Variants in TM9SF4 observed in about 807,000 individuals in gnomAD.
TM9SF4 encodes dinucleotide oxidase disulfide thiol exchanger 3 superfamily member 4.
A neutral mutation model predicts 90.4 loss-of-function variants in TM9SF4; 26 were observed. The observed-to-expected ratio is 0.29, with a 90% CI of 0.21 to 0.40. The LOEUF (loss-of-function observed/expected upper bound fraction) is 0.40, where lower values mean the gene tolerates loss of function less well. TM9SF4 is among the 10% of genes least tolerant of loss of function. The probability of loss-of-function intolerance (pLI) is 1.00; values close to 1 mark genes in which losing one functional copy is unlikely to be tolerated. For missense variants in TM9SF4, 549 were observed against 834.8 expected (o/e 0.66, Z 4.22); for synonymous variants, 293 against 315.4 (o/e 0.93, Z 0.75).
chr20:32,159,880 CCCTG>C, intron 15 of TM9SF4, 108 bp from the exon 16 acceptor site: 1 of 1,463,316 alleles, frequency 6.8e-7, no homozygotes, highest in Non-Finnish European at 9.4e-7. Context: ...GGCCCACGGG[CCCTG>C]ATGGTGTCAT....
intron 1 of TM9SF4, among the ~76,000 whole-genome samples, chr20:32,121,209 C>CTT (rs200664375): frequency 2.7e-4 from 37 of 138,286 alleles, no homozygotes; most frequent in East Asian, 6.3e-4. Context: ...TTTTATTTTT[C>CTT]TTTTTTTTTT....
Position 32,145,075 on chromosome 20 carries a change from TC to T in TM9SF4, c.653-15del, listed in dbSNP as rs1430419678. ...CTGGCCACCACAGGAACAGACTGAG[TC>T]TGTGTCTCTCTCAGACCTCAAAGCA... On this transcript the variant is annotated splice_polypyrimidine_tract_variant and intron_variant, in intron 6 of 17. Transcript: ENST00000398022. The T allele has an allele frequency of 6.2e-7, 1 of 1,612,350 alleles. No homozygotes were observed. Among genetic ancestry groups the T allele is most frequent in the East Asian group, 2.2e-5 (1 of 44,878 alleles).
In TM9SF4 at chr20:32,165,780, G is replaced by T; in HGVS notation, c.*336G>T. 6 of 238,926 alleles carry T rather than the reference G, an allele frequency of 2.5e-5. No individual in the cohort carries two copies. Among genetic ancestry groups the T allele is most frequent in the East Asian group, 1.0e-4 (1 of 9,844 alleles). 14.8% of individuals were successfully genotyped at this position (238,926 alleles called of 1,614,324 possible). ...TTTTTCCTTCTTTGTTTTAACAAAT[G>T]GATCCAGGATGGATAAATCCACCGA... On this transcript the variant is annotated 3_prime_UTR_variant, in exon 18 of 18. Coordinates refer to ENST00000398022, the MANE Select transcript of TM9SF4 (RefSeq NM_014742.4).
At chr20:32,148,646 G>T (rs769223797) in intron 9 of TM9SF4, among the ~76,000 whole-genome samples, 2 of 149,040 alleles carry the variant, frequency 1.3e-5, no homozygotes, top group Admixed American at 6.7e-5. Flanking sequence ...CCAAGACTTG[G>T]TATAGAAATA....
chr20:32,115,029 C>T (rs2046199358), intron 1 of TM9SF4, among the ~76,000 whole-genome samples: 2 of 152,050 alleles, frequency 1.3e-5, no homozygotes, highest in South Asian at 4.1e-4. Context: ...TTTGTTTTTT[C>T]CATGATGATG....
At chr20:32,140,762 C>T (rs377048710) in intron 3 of TM9SF4, among the ~76,000 whole-genome samples, 21 of 152,278 alleles carry the variant, frequency 1.4e-4, no homozygotes, top group African/African-American at 5.1e-4. Flanking sequence ...TAATGCTGCC[C>T]TCACACAGGG....
intron 1 of TM9SF4, among the ~76,000 whole-genome samples, chr20:32,131,478 C>G: frequency 9.5e-6 from 1 of 105,808 alleles, no homozygotes; most frequent in South Asian, 2.7e-4. Context: ...ACAGAGTCAT[C>G]AGAGTGTGTG....
In TM9SF4 at chr20:32,150,666, C is replaced by A. The variant is rs2046828836; in HGVS notation, c.1132C>A (p.Leu378Ile). Reference protein sequence around the residue: ...GMLSPSSRGALMTTACFLFMF... With the variant: ...GMLSPSSRGAIMTTACFLFMF... ...GCTGTCGCCCTCCAGCCGGGGAGCT[C>A]TCATGACCACAGCCTGCTTCCTCTT... The change falls in exon 11 of 18, where the codon CTC becomes ATC. Residue 378 changes from leucine to isoleucine, a missense_variant. Leu to Ile is a conservative substitution (Grantham distance 5). Transcript: ENST00000398022. The A allele has an allele frequency of 1.2e-6, 2 of 1,614,236 alleles. No individual in the cohort carries two copies. Among genetic ancestry groups the A allele is most frequent in the East Asian group, 4.5e-5 (2 of 44,878 alleles).
At chr20:32,136,860 C>G (rs2122387579) in intron 3 of TM9SF4, 1 of 471,200 alleles carries the variant, frequency 2.1e-6, no homozygotes, top group Non-Finnish European at 4.4e-6. Context: ...AAGAGACTTT[C>G]TTTTCTTACA....
rs1201240107 is a variant in TM9SF4, at chr20:32,141,977, G to A, written c.528+82G>A. Reference sequence around the variant, plus strand: ...CACTTGGGGCCACAGAAAAGGTGGGGCTCGGCCACAGCAAGTTTCTCCAGG... The same window carrying A: ...CACTTGGGGCCACAGAAAAGGTGGGACTCGGCCACAGCAAGTTTCTCCAGG... On this transcript the variant is annotated intron_variant, in intron 5 of 17. Transcript: ENST00000398022. The A allele has an allele frequency of 1.9e-6, 3 of 1,583,696 alleles. No individual in the cohort carries two copies. The Admixed American group carries it at 5.2e-5, about 28-fold the overall frequency.
intron 12 of TM9SF4, 37 bp downstream of exon 12, chr20:32,150,912 C>T (rs775029606): frequency 5.0e-6 from 8 of 1,609,666 alleles, no homozygotes; most frequent in Middle Eastern, 3.3e-4. Context: ...TGGTGGGAAG[C>T]AGAGAAGCTT....
rs2047088303 is a variant in TM9SF4, at chr20:32,165,555, C to A, written c.*111C>A. The A allele has an allele frequency of 2.3e-6, 3 of 1,322,978 alleles. No homozygotes were observed. The highest frequency in any genetic ancestry group is 2.0e-5 in the Admixed American group (1 of 49,314). The allele number at this position is 1,322,978 out of a possible 1,614,324, so 82.0% of individuals were successfully genotyped here. A position where few individuals can be genotyped will look rare whatever the true frequency, so the allele number is the denominator to read the frequency against. ...ACTCCTGCTCGTTTGGAATGTAACT[C>A]CTGGCACAGTGTTCCTGGATCCTGG... On this transcript the variant is annotated 3_prime_UTR_variant, in exon 18 of 18. Coordinates refer to ENST00000398022, the MANE Select transcript of TM9SF4 (RefSeq NM_014742.4).
chr20:32,156,779 A>G (rs2046928480), intron 13 of TM9SF4, among the ~76,000 whole-genome samples: 1 of 151,878 alleles, frequency 6.6e-6, no homozygotes, highest in Non-Finnish European at 1.5e-5. Flanking sequence ...GCAATTAAAA[A>G]AAAAAATTGT....
chr20:32,110,015 A>G, intron 1 of TM9SF4: 24 of 1,398,764 alleles, frequency 1.7e-5, no homozygotes, highest in Non-Finnish European at 2.1e-5. Context: ...GCCGGTTCCC[A>G]TTCTACTTTT....
chr20:32,109,924 C>T lies in TM9SF4; in HGVS notation c.15+169C>T, dbSNP rs1318010237. Reference sequence around the variant, plus strand: ...TTCCCCGAAATCCACCTCCCTGGCCCTGCCCCTGCACTCAGGCTTGTGAAG... The same window carrying T: ...TTCCCCGAAATCCACCTCCCTGGCCTTGCCCCTGCACTCAGGCTTGTGAAG... On this transcript the variant is annotated intron_variant, in intron 1 of 17. Transcript: ENST00000398022. 4.1e-6 allele frequency: 6 copies of T among 1,459,520 alleles called. No individual in the cohort carries two copies. In the Admixed American group the frequency reaches 1.2e-4, roughly 30 times the overall value. The allele number at this position is 1,459,520 out of a possible 1,614,324, so 90.4% of individuals were successfully genotyped here.
rs756722453 is a variant in TM9SF4 at position 32,149,687 on chromosome 20, G to GC, written c.1015dup (p.Gln339ProfsTer140). 2.5e-6 allele frequency: 4 copies of GC among 1,614,012 alleles called. No individual in the cohort carries two copies. Among genetic ancestry groups the GC allele is most frequent in the Non-Finnish European group, 3.4e-6 (4 of 1,179,994 alleles). ...AGTTGGTGCACGGCGACGTCTTCAG[G>GC]CCCCCCCAGTACCCCATGATCCTCA... On this transcript the variant is annotated frameshift_variant, in exon 10 of 18. Transcript: ENST00000398022. LOFTEE classifies it high-confidence loss of function.
chr20:32,122,347 G>C (rs1390748029), intron 1 of TM9SF4, among the ~76,000 whole-genome samples: 3 of 151,502 alleles, frequency 2.0e-5, no homozygotes, highest in Non-Finnish European at 2.9e-5. Context: ...CTGCCGGGCG[G>C]AGATGCTCCT....
At chr20:32,155,878 C>T (rs2122459589) in intron 13 of TM9SF4, among the ~76,000 whole-genome samples, 1 of 152,276 alleles carries the variant, frequency 6.6e-6, no homozygotes, top group African/African-American at 2.4e-5. Flanking sequence ...GGTTTCTTTC[C>T]CAGCAACTTA....
chr20:32,121,595 TCTA>T (rs2046308289), intron 1 of TM9SF4, among the ~76,000 whole-genome samples: 1 of 151,944 alleles, frequency 6.6e-6, no homozygotes, highest in Admixed American at 6.6e-5. Flanking sequence ...GTCTCCCATG[TCTA>T]CTTCTTTCTA....
Sources: gnomAD v4.1 joint callset for allele counts (sites outside exome capture counted in the v4.1 genomes callset) on GRCh38, gnomAD v4.1.1 for gene constraint, MANE v1.5 for transcripts, NCBI Gene and HGNC (gene_info 2026-07-23, HGNC 2026-07-21) for gene names.